Variants in RIMS1 observed in about 807,000 individuals in gnomAD.
The protein encoded by RIMS1 is regulating synaptic membrane exocytosis 1, also known as regulating synaptic membrane exocytosis protein 1.
Under a neutral mutation model 214.1 loss-of-function variants are expected in RIMS1, and 83 were observed. The observed-to-expected ratio is 0.39, with a 90% confidence interval of 0.32 to 0.47. The LOEUF is 0.47. RIMS1 is among the 20% of genes least tolerant of loss of function. The pLI is 0.99. For missense variants in RIMS1, 2,050 were observed against 2,161.8 expected, an observed-to-expected ratio of 0.95 and a Z score of 1.03; for synonymous variants, 793 against 786.8, an observed-to-expected ratio of 1.01 and a Z score of -0.13.
At chr6:72,008,545 C>T (rs1242251135) in intron 2 of RIMS1, among the ~76,000 whole-genome samples, 1 of 152,140 alleles carries the variant, frequency 6.6e-6, no homozygotes, top group Non-Finnish European at 1.5e-5. Flanking sequence ...GATAAAGAGT[C>T]AAGACCCATC....
chr6:72,263,752 T>C (rs1225414255), intron 19 of RIMS1: 1 of 981,224 alleles, frequency 1.0e-6, no homozygotes, highest in Non-Finnish European at 1.2e-6. Context: ...TCACTTGAGG[T>C]CAGGAGTTTG....
chr6:72,306,902 A>G (rs947520011), intron 26 of RIMS1, among the ~76,000 whole-genome samples: 17 of 152,152 alleles, frequency 1.1e-4, no homozygotes, highest in Non-Finnish European at 2.2e-4. Context: ...TGTTTTCTCT[A>G]TATATGTACA....
chr6:72,291,791 T>A, intron 25 of RIMS1, 143 bp from the exon 26 acceptor site: 1 of 692,858 alleles, frequency 1.4e-6, no homozygotes, highest in South Asian at 1.6e-5. Flanking sequence ...TTTACACATA[T>A]CATAAAAAGT....
chr6:72,021,164 C>G, intron 2 of RIMS1, among the ~76,000 whole-genome samples: 1 of 152,180 alleles, frequency 6.6e-6, no homozygotes, highest in Non-Finnish European at 1.5e-5. Context: ...TTGAAATTGT[C>G]TCTTACTTCT....
intron 29 of RIMS1, among the ~76,000 whole-genome samples, chr6:72,354,968 T>G (rs1047676257): frequency 2.6e-5 from 4 of 152,168 alleles, no homozygotes; most frequent in African/African-American, 9.7e-5. Context: ...GCGAGGAATG[T>G]TCATAGACCT....
intron 4 of RIMS1, among the ~76,000 whole-genome samples, chr6:72,164,012 G>A (rs1482866341): frequency 6.6e-6 from 1 of 152,166 alleles, no homozygotes; most frequent in Non-Finnish European, 1.5e-5. Flanking sequence ...AGGCAGGCAG[G>A]TCTCCTTGAG....
intron 4 of RIMS1, among the ~76,000 whole-genome samples, chr6:72,108,713 A>T (rs1334406352): frequency 1.3e-5 from 2 of 151,600 alleles, no homozygotes; most frequent in African/African-American, 2.4e-5. Context: ...TTTTATTATT[A>T]TTATACTTTA....
chr6:72,246,042 A>G (rs1339620432), intron 11 of RIMS1, among the ~76,000 whole-genome samples, 181 bp downstream of exon 11: 1 of 151,960 alleles, frequency 6.6e-6, no homozygotes, highest in Non-Finnish European at 1.5e-5. Flanking sequence ...CTACTTCAGG[A>G]TTTTTCTTCC....
In RIMS1 at chr6:72,245,834, G is replaced by A. The variant is rs1282013417; in HGVS notation, c.2101G>A (p.Glu701Lys). 1 of 1,609,840 alleles carries A rather than the reference G, an allele frequency of 6.2e-7. No homozygotes were observed. The highest frequency in any genetic ancestry group is 8.5e-7 in the Non-Finnish European group (1 of 1,176,438). Residue 701 changes from glutamate (E) to lysine (K), a missense_variant, in exon 11 of 34, where the codon GAG (glutamate) becomes AAG (lysine). Coordinates refer to ENST00000521978, the MANE Select transcript of RIMS1 (RefSeq NM_014989.7). ...RPIGDIPRIP[E>K]SSHPPLESSS... is the part of the protein sequence containing the mutation. ...TTTTAGTGACATTCCCCGGATTCCT[G>A]AGAGCTCCCACCCTCCACTGGAGTC...
intron 2 of RIMS1, among the ~76,000 whole-genome samples, chr6:72,011,106 G>A (rs1325123896): frequency 6.6e-6 from 1 of 152,172 alleles, no homozygotes; most frequent in Non-Finnish European, 1.5e-5. Context: ...AACCAAAACA[G>A]CATGGTACTG....
At chr6:72,130,059 T>A (rs2040204208) in intron 4 of RIMS1, among the ~76,000 whole-genome samples, 1 of 152,174 alleles carries the variant, frequency 6.6e-6, no homozygotes, top group Non-Finnish European at 1.5e-5. Flanking sequence ...TTGATTTTAG[T>A]TAGAAATCTC....
chr6:72,283,293 A>G (rs2091030484), intron 23 of RIMS1, among the ~76,000 whole-genome samples: 1 of 152,100 alleles, frequency 6.6e-6, no homozygotes, highest in Non-Finnish European at 1.5e-5. Context: ...CTAATTAGAC[A>G]TATGTAAGCT....
chr6:72,010,064 C>A (rs1231862111), intron 2 of RIMS1, among the ~76,000 whole-genome samples: 1 of 152,060 alleles, frequency 6.6e-6, no homozygotes, highest in Non-Finnish European at 1.5e-5. Flanking sequence ...TGATGAACAT[C>A]GATGCAAAAA....
At chr6:72,354,402 G>C (rs2097562196) in intron 29 of RIMS1, among the ~76,000 whole-genome samples, 1 of 151,846 alleles carries the variant, frequency 6.6e-6, no homozygotes, top group Non-Finnish European at 1.5e-5. Context: ...ATTTTTGTAT[G>C]TACATAAAAG....
At chr6:72,258,939 G>T in intron 17 of RIMS1, 47 bp from the exon 18 acceptor site, 2 of 1,585,728 alleles carry the variant, frequency 1.3e-6, no homozygotes, top group South Asian at 2.2e-5. Context: ...TGCCTGTTTT[G>T]GGAAGATGAT....
At chr6:72,329,529 T>G (rs1016181235) in intron 28 of RIMS1, among the ~76,000 whole-genome samples, 1 of 151,682 alleles carries the variant, frequency 6.6e-6, no homozygotes, top group African/African-American at 2.4e-5. Flanking sequence ...CATATGCCCT[T>G]TATTAGTTTT....
At chr6:72,260,953 A>C in intron 19 of RIMS1, 186 bp downstream of exon 19, 7 of 1,399,196 alleles carry the variant, frequency 5.0e-6, no homozygotes, top group Non-Finnish European at 6.6e-6. Flanking sequence ...GTTCCGATTC[A>C]GGCTGACTGC....
intron 6 of RIMS1, among the ~76,000 whole-genome samples, chr6:72,184,762 G>GA (rs1202532581): frequency 1.4e-5 from 2 of 139,294 alleles, no homozygotes; most frequent in African/African-American, 2.6e-5. Flanking sequence ...CTTTATTCTG[G>GA]GAAAAAAAAA....
intron 2 of RIMS1, among the ~76,000 whole-genome samples, chr6:72,086,425 C>A (rs1005626432): frequency 6.6e-6 from 1 of 152,146 alleles, no homozygotes; most frequent in Non-Finnish European, 1.5e-5. Flanking sequence ...AGGAAAAATA[C>A]ACTGCTGTAA....
Sources: allele counts gnomAD v4.1 joint callset (sites outside exome capture counted in the v4.1 genomes callset), GRCh38; gene constraint gnomAD v4.1.1; transcripts MANE v1.5; gene names NCBI Gene and HGNC (gene_info 2026-07-23, HGNC 2026-07-21).